PHLPP1: variants seen among roughly 807,000 people sequenced by gnomAD.
The protein encoded by PHLPP1 is PH domain and leucine rich repeat protein phosphatase 1.
PHLPP1 carries 42 observed loss-of-function variants against 117.2 expected under a neutral mutation model. The ratio of observed to expected loss-of-function variants is 0.36; its 90% CI spans 0.28 to 0.46. The LOEUF (loss-of-function observed/expected upper bound fraction) is 0.46, where lower values mean the gene tolerates loss of function less well. Among genes scored for constraint, PHLPP1 ranks in the 20% least tolerant of loss-of-function variants. The pLI, the probability that PHLPP1 is intolerant of heterozygous loss-of-function variation, is 1.00. For synonymous variants in PHLPP1, 1,042 were observed against 970.7 expected (o/e 1.07, Z -1.37); for missense variants, 2,084 against 2,241.9 (o/e 0.93, Z 1.42).
At chr18:62,765,781 G>T (rs532592210) in intron 1 of PHLPP1, among the ~76,000 whole-genome samples, 1 of 151,966 alleles carries the variant, frequency 6.6e-6, no homozygotes. Context: ...GGATCACGAG[G>T]TCAGGAGATT....
chr18:62,834,228 C>A (rs888478406), intron 2 of PHLPP1, among the ~76,000 whole-genome samples: 1 of 152,052 alleles, frequency 6.6e-6, no homozygotes, highest in East Asian at 1.9e-4. Context: ...CATTCATGGG[C>A]CTTGTATGTT....
rs200451668 is a variant in PHLPP1 at position 62,924,851 on chromosome 18, AAAG to A, written c.2960+4738_2960+4740del. Among the ~76,000 whole-genome samples, 816 of 150,708 alleles carry A rather than the reference AAAG, an allele frequency of 5.4e-3. 27 individuals carry two copies. Among genetic ancestry groups the A allele is most frequent in the Admixed American group, 0.048 (721 of 14,980 alleles). ...GTGACCGTGTCTCAAAAAATGAAAA[AAAG>A]GTATTACAACTTTAGAATAGTATAT... is the stretch of plus-strand genomic sequence containing the variant. On this transcript the variant is annotated intron_variant, in intron 10 of 16. Coordinates refer to ENST00000262719, the MANE Select transcript of PHLPP1 (RefSeq NM_194449.4).
At chr18:62,911,236 C>A (rs1429872337) in intron 8 of PHLPP1, among the ~76,000 whole-genome samples, 1 of 34,024 alleles carries the variant, frequency 2.9e-5, no homozygotes, top group Non-Finnish European at 6.5e-5. Flanking sequence ...AGGACATAGG[C>A]GTGGGCAAGG....
chr18:62,791,125 T>G (rs1011130800), intron 1 of PHLPP1, among the ~76,000 whole-genome samples: 2 of 152,168 alleles, frequency 1.3e-5, no homozygotes, highest in Non-Finnish European at 2.9e-5. Context: ...AGGCATGCTT[T>G]CATTATTGTC....
chr18:62,916,482 G>T (rs1041837082), intron 9 of PHLPP1, among the ~76,000 whole-genome samples: 1 of 151,552 alleles, frequency 6.6e-6, no homozygotes, highest in Non-Finnish European at 1.5e-5. Flanking sequence ...ATTTCATTAT[G>T]TTCTGCAGCA....
chr18:62,804,640 C>T (rs552947946), intron 1 of PHLPP1, among the ~76,000 whole-genome samples: 2 of 152,060 alleles, frequency 1.3e-5, no homozygotes, highest in South Asian at 4.1e-4. Flanking sequence ...GAACGCTTTG[C>T]TAGTTATATA....
At chr18:62,922,116 TTTTGTTTGTTTG>T (rs143839117) in intron 10 of PHLPP1, among the ~76,000 whole-genome samples, 82,607 of 151,246 alleles carry the variant, frequency 0.55, 22,990 homozygotes, top group Non-Finnish European at 0.61. Context: ...GTTTTGGGTT[TTTTGTTTGTTTG>T]TTTGTTTGTT....
At chr18:62,907,663 A>C (rs1428759335) in intron 8 of PHLPP1, among the ~76,000 whole-genome samples, 2 of 77,858 alleles carry the variant, frequency 2.6e-5, no homozygotes, top group African/African-American at 9.9e-5. Flanking sequence ...GACCAAATCT[A>C]CGTCTGATTG....
intron 4 of PHLPP1, among the ~76,000 whole-genome samples, chr18:62,893,387 A>T (rs548349371): frequency 4.3e-4 from 66 of 152,282 alleles, no homozygotes; most frequent in African/African-American, 1.5e-3. Context: ...CCCTAATATA[A>T]AACAGTTTAA....
intron 10 of PHLPP1, among the ~76,000 whole-genome samples, chr18:62,940,603 A>G (rs1466105443): frequency 6.6e-6 from 1 of 152,026 alleles, no homozygotes; most frequent in East Asian, 1.9e-4. Flanking sequence ...TGACCTTGTG[A>G]TCCGCCTGCC....
At chr18:62,963,837 T>G (rs1174913064) in intron 14 of PHLPP1, among the ~76,000 whole-genome samples, 1 of 152,230 alleles carries the variant, frequency 6.6e-6, no homozygotes. Context: ...ACAGAGATAG[T>G]ATTAAAGGAG....
At chr18:62,856,479 G>A (rs1003955352) in intron 3 of PHLPP1, among the ~76,000 whole-genome samples, 1 of 152,176 alleles carries the variant, frequency 6.6e-6, no homozygotes, top group African/African-American at 2.4e-5. Context: ...CCAGGCTGGA[G>A]TGCAGTGGTG....
At chr18:62,801,306 GT>G (rs1174443451) in intron 1 of PHLPP1, among the ~76,000 whole-genome samples, 4 of 151,600 alleles carry the variant, frequency 2.6e-5, no homozygotes, top group Non-Finnish European at 4.4e-5. Flanking sequence ...GCCTCCCAAA[GT>G]GCTGGGATTA....
At chr18:62,817,861 T>C (rs1243633855) in intron 1 of PHLPP1, among the ~76,000 whole-genome samples, 1 of 148,356 alleles carries the variant, frequency 6.7e-6, no homozygotes, top group East Asian at 2.0e-4. Flanking sequence ...CTTTTTTTTT[T>C]TTTTTTTTTT....
chr18:62,824,270 C>T (rs773955324), intron 1 of PHLPP1: 7 of 445,800 alleles, frequency 1.6e-5, no homozygotes, highest in Non-Finnish European at 3.1e-5. Context: ...TTTGTCTATA[C>T]CAAGACTTGT....
intron 14 of PHLPP1, among the ~76,000 whole-genome samples, chr18:62,965,452 C>CTTTTTTTTTT (rs34187461): frequency 1.3e-5 from 1 of 76,144 alleles, no homozygotes; most frequent in Non-Finnish European, 2.4e-5. Context: ...TAATCAGCCT[C>CTTTTTTTTTT]TTTTTTTTTT....
intron 1 of PHLPP1, among the ~76,000 whole-genome samples, chr18:62,794,078 T>C (rs924686411): frequency 1.3e-5 from 2 of 152,232 alleles, no homozygotes; most frequent in Non-Finnish European, 2.9e-5. Context: ...GGAGGTTATG[T>C]GGCTCTCATG....
At chr18:62,946,639 T>TTGTGTGTG (rs147900391) in intron 12 of PHLPP1, among the ~76,000 whole-genome samples, 2 of 151,724 alleles carry the variant, frequency 1.3e-5, no homozygotes, top group African/African-American at 4.8e-5. Flanking sequence ...GCCATTTTGT[T>TTGTGTGTG]TGTGTGTGTG....
intron 4 of PHLPP1, among the ~76,000 whole-genome samples, chr18:62,871,293 G>A (rs567839364): frequency 3.3e-5 from 5 of 152,034 alleles, no homozygotes; most frequent in South Asian, 4.2e-4. Flanking sequence ...TTACTGCCCT[G>A]GTAAATTCAA....
Sources: allele counts gnomAD v4.1 joint callset (sites outside exome capture counted in the v4.1 genomes callset), GRCh38; gene constraint gnomAD v4.1.1; transcripts MANE v1.5; gene names NCBI Gene and HGNC (gene_info 2026-07-23, HGNC 2026-07-21).